The following SLC16A2 variants were observed in gnomAD, a reference collection of about 807,000 sequenced individuals.
SLC16A2 encodes monocarboxylate transporter 8.
A neutral mutation model predicts 27.2 loss-of-function variants in SLC16A2; 3 were observed. The observed-to-expected ratio is 0.11, with a 90% CI of 0.05 to 0.28. SLC16A2 has a LOEUF of 0.28. SLC16A2 is among the 10% of genes least tolerant of loss of function. The pLI is 1.00. For synonymous variants in SLC16A2, 202 were observed against 187.8 expected, an observed-to-expected ratio of 1.08 and a Z score of -0.62; for missense variants, 295 against 458.5, an observed-to-expected ratio of 0.64 and a Z score of 3.26.
intron 1 of SLC16A2, among the ~76,000 whole-genome samples, chrX:74,453,328 C>T (rs1207884398): frequency 1.8e-5 from 2 of 111,117 alleles, no homozygotes; most frequent in African/African-American, 6.5e-5. Context: ...AGCCAACATG[C>T]CTGGCAGCAG....
In SLC16A2 at chrX:74,529,638, G is replaced by A. The variant is rs374581891; in HGVS notation, c.1399+197G>A. Among the ~76,000 whole-genome samples the A allele has an allele frequency of 9.0e-5, 10 of 110,588 alleles. No individual in the cohort carries two copies. The East Asian group carries it at 2.0e-3, about 22-fold the overall frequency. On this transcript the variant is annotated intron_variant, in intron 5 of 5. Coordinates refer to ENST00000587091, the MANE Select transcript of SLC16A2 (RefSeq NM_006517.5). ...GTACACACGCATGGATCCATTCTGC[G>A]GGATGGATTTTCCATGGTGGTATAT...
chrX:74,480,626 A>G (rs1214996723), intron 1 of SLC16A2, among the ~76,000 whole-genome samples: 1 of 112,449 alleles, frequency 8.9e-6, no homozygotes, highest in Non-Finnish European at 1.9e-5. Flanking sequence ...TCTTGGCTCC[A>G]CCCTCAAGAA....
chrX:74,441,046 C>A (rs1928735991), intron 1 of SLC16A2, among the ~76,000 whole-genome samples: 1 of 100,787 alleles, frequency 9.9e-6, no homozygotes, highest in Non-Finnish European at 2.0e-5. Flanking sequence ...CGGCTCACTG[C>A]AAGCTCCGCC....
chrX:74,475,910 A>G (rs1221845616), intron 1 of SLC16A2, among the ~76,000 whole-genome samples: 1 of 111,621 alleles, frequency 9.0e-6, no homozygotes, highest in Non-Finnish European at 1.9e-5. Flanking sequence ...GAAGTCAGGT[A>G]GCGTGATGCC....
At chrX:74,523,562 C>G (rs1024561433) in intron 2 of SLC16A2, among the ~76,000 whole-genome samples, 2 of 111,869 alleles carry the variant, frequency 1.8e-5, no homozygotes, top group African/African-American at 6.5e-5. Flanking sequence ...GGCTTATGTC[C>G]ACAGCAGGGC....
At chrX:74,430,719 G>C (rs1314768427) in intron 1 of SLC16A2, among the ~76,000 whole-genome samples, 1 of 112,363 alleles carries the variant, frequency 8.9e-6, no homozygotes, top group Non-Finnish European at 1.9e-5. Flanking sequence ...ATGTGAATTA[G>C]TTCAGCTGGA....
At chrX:74,491,041 A>C (rs1929816673) in intron 1 of SLC16A2, among the ~76,000 whole-genome samples, 1 of 111,923 alleles carries the variant, frequency 8.9e-6, no homozygotes, top group Non-Finnish European at 1.9e-5. Context: ...GAGTTTGGGC[A>C]ACTTCCTTCA....
chrX:74,500,685 C>T (rs1885833123), intron 1 of SLC16A2, among the ~76,000 whole-genome samples: 1 of 111,621 alleles, frequency 9.0e-6, no homozygotes, highest in Non-Finnish European at 1.9e-5. Flanking sequence ...TGATGAATCT[C>T]TCAGAGGCAA....
intron 1 of SLC16A2, among the ~76,000 whole-genome samples, chrX:74,454,110 C>G (rs968881302): frequency 9.0e-6 from 1 of 111,471 alleles, no homozygotes; most frequent in African/African-American, 3.3e-5. Flanking sequence ...GTACTCGAGA[C>G]ATAATTCTAC....
At chrX:74,476,153 T>C (rs1929472397) in intron 1 of SLC16A2, among the ~76,000 whole-genome samples, 1 of 111,947 alleles carries the variant, frequency 8.9e-6, no homozygotes, top group Admixed American at 9.5e-5. Context: ...CTCTTTCATT[T>C]CATCAAGCAG....
At chrX:74,430,291 C>T (rs928732166) in intron 1 of SLC16A2, among the ~76,000 whole-genome samples, 8 of 111,797 alleles carry the variant, frequency 7.2e-5, no homozygotes, top group Admixed American at 5.7e-4. Context: ...AGGATTTGGA[C>T]CCAGACAGTC....
rs1930457601 is a variant in SLC16A2, at chrX:74,524,431, C to G, written c.648C>G (p.Ser216=). 8.3e-7 allele frequency: 1 copy of G among 1,209,850 alleles called. No homozygotes were observed. Among genetic ancestry groups the G allele is most frequent in the African/African-American group, 1.8e-5 (1 of 57,063 alleles). Residue 216 remains serine (S), a synonymous_variant, in exon 3 of 6, where the codon TCC becomes TCG. Coordinates refer to ENST00000587091, the MANE Select transcript of SLC16A2 (RefSeq NM_006517.5). ...GCTGTTCCTTCGCCTTTCAGCCATCCCTCGTCATCCTGGGCCACTACTTTC... is the reference window on the plus strand; with the variant it reads ...GCTGTTCCTTCGCCTTTCAGCCATCGCTCGTCATCCTGGGCCACTACTTTC... ...GCGCSFAFQP[S]LVILGHYFQR... is the part of the protein sequence containing the mutation.
intron 1 of SLC16A2, among the ~76,000 whole-genome samples, chrX:74,424,308 A>AT (rs2147834934): frequency 2.7e-5 from 3 of 111,319 alleles, no homozygotes; most frequent in African/African-American, 6.5e-5. Flanking sequence ...CACTGACATT[A>AT]TTTTTTATAC....
rs759476277 is a variant in SLC16A2, at chrX:74,476,327, T to G, written c.431-44663T>G. 7.1e-5 allele frequency among the ~76,000 whole-genome samples: 8 copies of G among 112,425 alleles called. No homozygotes were observed. In the East Asian group the frequency reaches 2.2e-3, roughly 31 times the overall value. ...GCTTGTGATTTTTGTACATTGATTTTGTATCCTGAGACTTTGCTGAAGTTG... is the reference window on the plus strand; with the variant it reads ...GCTTGTGATTTTTGTACATTGATTTGGTATCCTGAGACTTTGCTGAAGTTG... On this transcript the variant is annotated intron_variant, in intron 1 of 5. Coordinates refer to ENST00000587091, the MANE Select transcript of SLC16A2 (RefSeq NM_006517.5).
At chrX:74,511,812 T>C (rs1287295322) in intron 1 of SLC16A2, among the ~76,000 whole-genome samples, 2 of 111,599 alleles carry the variant, frequency 1.8e-5, no homozygotes, top group East Asian at 5.7e-4. Flanking sequence ...GCAAGAGTGT[T>C]TCATCTATTC....
intron 1 of SLC16A2, among the ~76,000 whole-genome samples, chrX:74,503,183 G>A (rs1930067584): frequency 9.1e-6 from 1 of 110,089 alleles, no homozygotes; most frequent in Admixed American, 9.8e-5. Context: ...CAAATTATAT[G>A]ATTTTTTCAA....
At chrX:74,458,824 CTA>C (rs2147848147) in intron 1 of SLC16A2, among the ~76,000 whole-genome samples, 1 of 111,238 alleles carries the variant, frequency 9.0e-6, no homozygotes, top group East Asian at 2.8e-4. Context: ...AACTCTGCTT[CTA>C]TGAGTTCAAC....
chrX:74,517,832 T>C (rs983709293), intron 1 of SLC16A2, among the ~76,000 whole-genome samples: 3 of 112,072 alleles, frequency 2.7e-5, no homozygotes, highest in Non-Finnish European at 5.6e-5. Context: ...CACCTACTGA[T>C]TTGTTTTCCT....
chrX:74,531,490 C>G lies in SLC16A2; in HGVS notation c.1557C>G (p.Ala519=), dbSNP rs1427158871. 4.1e-6 allele frequency: 5 copies of G among 1,211,236 alleles called. No homozygotes were observed. Among genetic ancestry groups the G allele is most frequent in the Non-Finnish European group, 5.6e-6 (5 of 895,361 alleles). The change falls in exon 6 of 6, where the codon GCC becomes GCG. Residue 519 remains alanine, a synonymous_variant. Transcript: ENST00000587091. The stretch of plus-strand genomic sequence containing the variant: ...ATTCCAGCAAGGATAAGATGTTGGC[C>G]CCTGACCCAGACCCCAATGGGGAGC... ...QRDSSKDKML[A]PDPDPNGELL...
Sources: allele counts gnomAD v4.1 joint callset (sites outside exome capture counted in the v4.1 genomes callset), GRCh38; gene constraint gnomAD v4.1.1; transcripts MANE v1.5; gene names NCBI Gene and HGNC (gene_info 2026-07-23, HGNC 2026-07-21).